The following MARCHF8 variants were observed in gnomAD, a reference collection of about 807,000 sequenced individuals.
MARCHF8 encodes E3 ubiquitin-protein ligase MARCHF8.
A neutral mutation model predicts 51.6 loss-of-function variants in MARCHF8; 40 were observed. The ratio of observed to expected loss-of-function variants is 0.77; its 90% confidence interval spans 0.60 to 1.01. MARCHF8 has a LOEUF of 1.01. Among genes scored for constraint, MARCHF8 ranks in the 50% least tolerant of loss-of-function variants. MARCHF8 has a pLI of 0.00. For synonymous variants in MARCHF8, 263 were observed against 280.3 expected, an observed-to-expected ratio of 0.94 and a Z score of 0.62; for missense variants, 685 against 708.6, an observed-to-expected ratio of 0.97 and a Z score of 0.38.
chr10:45,569,219 T>C (rs925759150), intron 1 of MARCHF8, among the ~76,000 whole-genome samples: 8 of 152,156 alleles, frequency 5.3e-5, no homozygotes, highest in African/African-American at 1.9e-4. Flanking sequence ...CCATGCAGTG[T>C]GATATTAGCT....
At chr10:45,582,499 C>CA (rs1054154948) in intron 1 of MARCHF8, among the ~76,000 whole-genome samples, 2 of 151,848 alleles carry the variant, frequency 1.3e-5, no homozygotes, top group Non-Finnish European at 2.9e-5. Flanking sequence ...AACAGGAGAC[C>CA]AAAAAAACCA....
At chr10:45,587,543 C>A (rs2044631277) in intron 1 of MARCHF8, among the ~76,000 whole-genome samples, 1 of 152,070 alleles carries the variant, frequency 6.6e-6, no homozygotes, top group African/African-American at 2.4e-5. Flanking sequence ...CCAATTGAAA[C>A]CACAAGTTGT....
chr10:45,499,721 A>G (rs771379858), intron 2 of MARCHF8, among the ~76,000 whole-genome samples: 2 of 152,194 alleles, frequency 1.3e-5, no homozygotes, highest in Non-Finnish European at 2.9e-5. Flanking sequence ...TCTCGGCGCC[A>G]TTGTGGGAAA....
intron 1 of MARCHF8, among the ~76,000 whole-genome samples, chr10:45,559,697 C>A (rs1434380381): frequency 6.6e-6 from 1 of 152,050 alleles, no homozygotes; most frequent in East Asian, 1.9e-4. Context: ...AACTGGAAAC[C>A]TGCAATTCCT....
intron 1 of MARCHF8, among the ~76,000 whole-genome samples, chr10:45,583,182 T>G (rs764517318): frequency 3.2e-4 from 48 of 152,314 alleles, no homozygotes; most frequent in Admixed American, 7.2e-4. Flanking sequence ...TGATAAAAAT[T>G]TCAACATTAA....
intron 1 of MARCHF8, among the ~76,000 whole-genome samples, chr10:45,583,476 G>A (rs572088537): frequency 3.3e-5 from 5 of 152,258 alleles, no homozygotes; most frequent in African/African-American, 1.2e-4. Context: ...TCAACTAACA[G>A]GGGAAGGGCT....
chr10:45,561,222 A>G (rs1288605455), intron 1 of MARCHF8, among the ~76,000 whole-genome samples: 1 of 152,158 alleles, frequency 6.6e-6, no homozygotes, highest in East Asian at 1.9e-4. Context: ...AGAAAGAACA[A>G]ACATCAGATA....
chr10:45,546,215 C>T (rs1292776505), intron 1 of MARCHF8, among the ~76,000 whole-genome samples: 1 of 151,732 alleles, frequency 6.6e-6, no homozygotes, highest in Non-Finnish European at 1.5e-5. Flanking sequence ...GGCTGGAGTG[C>T]AGTGGTGCAA....
At position 45,461,281 on chromosome 10, in the gene MARCHF8, G is replaced by C. The variant is rs1842775130; in HGVS notation, c.1219C>G (p.Leu407Val). ...TCCATGATGAACTCATACTTGCAGAGCTCGCAGCAGCGCGTGTCGGAGCTC... is the reference window on the plus strand; with the variant it reads ...TCCATGATGAACTCATACTTGCAGACCTCGCAGCAGCGCGTGTCGGAGCTC... ...IKSSDTRCCE[L>V]CKYEFIMETK... Residue 407 changes from leucine (L) to valine (V), a missense_variant, in exon 6 of 8, where the codon CTC (leucine) becomes GTC (valine). By Grantham distance (32) the Leu-to-Val change is conservative (BLOSUM62 1). Transcript: ENST00000453424. The C allele has an allele frequency of 6.3e-7, 1 of 1,595,844 alleles. No homozygotes were observed. The highest frequency in any genetic ancestry group is 1.4e-5 in the African/African-American group (1 of 73,644).
At chr10:45,507,069 A>C (rs1474248940) in intron 2 of MARCHF8, among the ~76,000 whole-genome samples, 1 of 152,194 alleles carries the variant, frequency 6.6e-6, no homozygotes, top group Non-Finnish European at 1.5e-5. Flanking sequence ...CTAGTTTGCT[A>C]AAACAGTGGC....
At chr10:45,529,663 T>C (rs2043846272) in intron 2 of MARCHF8, among the ~76,000 whole-genome samples, 1 of 152,146 alleles carries the variant, frequency 6.6e-6, no homozygotes, top group Admixed American at 6.5e-5. Context: ...TGAACACATA[T>C]TTTGCAAAAG....
At chr10:45,498,187 C>T (rs779073337) in intron 2 of MARCHF8, among the ~76,000 whole-genome samples, 1 of 152,138 alleles carries the variant, frequency 6.6e-6, no homozygotes, top group African/African-American at 2.4e-5. Context: ...ATATAAAATT[C>T]ACCATCTTAA....
intron 1 of MARCHF8, among the ~76,000 whole-genome samples, chr10:45,548,242 AAG>A (rs1219577795): frequency 5.3e-5 from 8 of 152,218 alleles, no homozygotes; most frequent in Non-Finnish European, 1.2e-4. Context: ...GTGCTTGGCT[AAG>A]AGAGAGCAGT....
chr10:45,508,067 G>A (rs1184587110), intron 2 of MARCHF8, among the ~76,000 whole-genome samples: 1 of 152,032 alleles, frequency 6.6e-6, no homozygotes, highest in Admixed American at 6.5e-5. Flanking sequence ...TTATGAAAGA[G>A]CCAAATGCTT....
chr10:45,582,695 A>C (rs2044568642), intron 1 of MARCHF8, among the ~76,000 whole-genome samples: 1 of 152,252 alleles, frequency 6.6e-6, no homozygotes, highest in African/African-American at 2.4e-5. Context: ...ATCAAGTTGT[A>C]CAGATGTTGT....
intron 2 of MARCHF8, among the ~76,000 whole-genome samples, chr10:45,504,112 T>C (rs1291302311): frequency 6.6e-6 from 1 of 152,054 alleles, no homozygotes; most frequent in Non-Finnish European, 1.5e-5. Context: ...TTTAAAAGGG[T>C]GATTTAATGG....
At chr10:45,577,231 TG>T (rs2044500186) in intron 1 of MARCHF8, among the ~76,000 whole-genome samples, 1 of 150,848 alleles carries the variant, frequency 6.6e-6, no homozygotes, top group African/African-American at 2.4e-5. Flanking sequence ...GGGAAGTTAA[TG>T]GGGGGCTGTG....
chr10:45,484,231 C>G (rs996701381), intron 3 of MARCHF8, among the ~76,000 whole-genome samples: 1 of 152,118 alleles, frequency 6.6e-6, no homozygotes, highest in Non-Finnish European at 1.5e-5. Flanking sequence ...AGATACTACA[C>G]AATGATATAA....
Position 45,463,709 on chromosome 10 carries a change from C to T in MARCHF8, c.530G>A (p.Arg177Lys). ...TATTAATTTCCCTTCAGAACAAGTT[C>T]TTTCCACATAGGCAAAACTTTCTGA... ...DTSESFAYVE[R>K]TCSEGKLILP... is the part of the protein sequence containing the mutation. Residue 177 changes from arginine to lysine, a missense_variant, in exon 5 of 8, where the codon AGA (arginine) becomes AAA (lysine). Transcript: ENST00000453424. 1 of 1,551,080 alleles carries T rather than the reference C, an allele frequency of 6.4e-7. No individual in the cohort carries two copies.
Sources: gnomAD v4.1 joint callset for allele counts (sites outside exome capture counted in the v4.1 genomes callset) on GRCh38, gnomAD v4.1.1 for gene constraint, MANE v1.5 for transcripts, NCBI Gene and HGNC (gene_info 2026-07-23, HGNC 2026-07-21) for gene names.